The following MKX variants were observed in gnomAD, a reference collection of about 807,000 sequenced individuals.
MKX encodes homeobox protein Mohawk.
A neutral mutation model predicts 36.0 loss-of-function variants in MKX; 13 were observed. The observed-to-expected ratio is 0.36, with a 90% confidence interval of 0.24 to 0.57. The LOEUF (loss-of-function observed/expected upper bound fraction) is 0.57. Ranked by LOEUF, MKX falls within the 20% of genes least tolerant of loss-of-function variation. The probability of loss-of-function intolerance (pLI) is 0.79; values close to 1 mark genes in which losing one functional copy is unlikely to be tolerated. For missense variants in MKX, 458 were observed against 456.4 expected (o/e 1.00, Z -0.03); for synonymous variants, 176 against 178.3 (o/e 0.99, Z 0.10).
At chr10:27,708,772 G>C (rs1451698322) in intron 5 of MKX, among the ~76,000 whole-genome samples, 2 of 150,340 alleles carry the variant, frequency 1.3e-5, no homozygotes, top group African/African-American at 2.4e-5. Flanking sequence ...TCGAGTACCA[G>C]GGATGAATGA....
chr10:27,738,874 A>T (rs1402804179), intron 3 of MKX, among the ~76,000 whole-genome samples: 1 of 152,084 alleles, frequency 6.6e-6, no homozygotes, highest in African/African-American at 2.4e-5. Context: ...ACCATGTAAT[A>T]TAACACTTGG....
chr10:27,706,190 T>A (rs1836752893), intron 5 of MKX, among the ~76,000 whole-genome samples: 1 of 152,184 alleles, frequency 6.6e-6, no homozygotes, highest in Non-Finnish European at 1.5e-5. Flanking sequence ...TATATCTATG[T>A]TGTAGCATGT....
In MKX at chr10:27,744,001, T is replaced by G. The variant is rs1382281672; in HGVS notation, c.-82-504A>C. 1.3e-5 allele frequency among the ~76,000 whole-genome samples: 2 copies of G among 152,042 alleles called. No individual in the cohort carries two copies. Among genetic ancestry groups the G allele is most frequent in the African/African-American group, 2.4e-5 (1 of 41,390 alleles). ...AACCGTATCCACAAGACCCCCCAGC[T>G]CATGAGTCCCAGGCCATACCGGGAT... On this transcript the variant is annotated intron_variant, in intron 1 of 6. Coordinates refer to ENST00000419761, the MANE Select transcript of MKX (RefSeq NM_173576.3). This position sits in a 1 kb window ranked among gnomAD's most constrained non-coding sequence, Gnocchi z 5.6.
intron 5 of MKX, among the ~76,000 whole-genome samples, chr10:27,705,789 A>G (rs1372541186): frequency 6.6e-6 from 1 of 152,234 alleles, no homozygotes; most frequent in Admixed American, 6.5e-5. Flanking sequence ...AGTCCAAATC[A>G]AAGACAAATA....
At chr10:27,712,867 C>A (rs1836896985) in intron 5 of MKX, among the ~76,000 whole-genome samples, 2 of 152,104 alleles carry the variant, frequency 1.3e-5, no homozygotes, top group South Asian at 4.2e-4. Context: ...AGCCCCAGAG[C>A]TCAAGGTGGC....
chr10:27,694,210 A>G (rs541924469), intron 5 of MKX, among the ~76,000 whole-genome samples: 3 of 152,078 alleles, frequency 2.0e-5, no homozygotes, highest in Non-Finnish European at 4.4e-5. Flanking sequence ...TTTAACAACC[A>G]CTAACATACT....
At chr10:27,678,333 A>C (rs1450976558) in intron 5 of MKX, among the ~76,000 whole-genome samples, 1 of 152,262 alleles carries the variant, frequency 6.6e-6, no homozygotes, top group Non-Finnish European at 1.5e-5. Flanking sequence ...TTTTGCCCAC[A>C]AATTGCAACA....
chr10:27,711,510 CCT>C (rs1564357162), intron 5 of MKX, among the ~76,000 whole-genome samples: 3 of 114,768 alleles, frequency 2.6e-5, no homozygotes, highest in East Asian at 2.4e-4. Flanking sequence ...TTCCTTCCTT[CCT>C]TCCTTCCTTC....
At chr10:27,693,075 A>G (rs1448101847) in intron 5 of MKX, among the ~76,000 whole-genome samples, 2 of 152,224 alleles carry the variant, frequency 1.3e-5, no homozygotes, top group Non-Finnish European at 2.9e-5. Flanking sequence ...TCATAGCATC[A>G]GCTTCTGGAA....
intron 5 of MKX, among the ~76,000 whole-genome samples, chr10:27,695,222 G>A (rs900737893): frequency 6.6e-6 from 1 of 152,014 alleles, no homozygotes; most frequent in Non-Finnish European, 1.5e-5. Flanking sequence ...ACATGAGTCC[G>A]AACCCAAGGG....
intron 5 of MKX, among the ~76,000 whole-genome samples, chr10:27,691,738 G>A (rs920042205): frequency 6.6e-6 from 1 of 152,048 alleles, no homozygotes; most frequent in African/African-American, 2.4e-5. Flanking sequence ...CAGTGCTTAT[G>A]GTTTCCTTCT....
In MKX at chr10:27,709,217, TA is replaced by T. The variant is rs548763927; in HGVS notation, c.838+25238del. The stretch of plus-strand genomic sequence containing the variant: ...ACAACAATACAACAAAAAATACAGA[TA>T]AAAAATACAGTTTATAATACAAAAA... On this transcript the variant is annotated intron_variant, in intron 5 of 6. Transcript: ENST00000419761. Among the ~76,000 whole-genome samples the T allele has an allele frequency of 1.3e-4, 19 of 151,796 alleles. No homozygotes were observed. In the East Asian group the frequency reaches 1.9e-3, roughly 15 times the overall value.
chr10:27,726,935 C>T (rs1310059025), intron 5 of MKX, among the ~76,000 whole-genome samples: 1 of 152,008 alleles, frequency 6.6e-6, no homozygotes, highest in Non-Finnish European at 1.5e-5. Context: ...ACGTGAAAGA[C>T]ACGGTAATAA....
chr10:27,718,522 G>A (rs1420248809), intron 5 of MKX: 1 of 395,810 alleles, frequency 2.5e-6, no homozygotes, highest in Non-Finnish European at 5.1e-6. Context: ...TGGCAAGAAG[G>A]AGTGGAATTC....
At chr10:27,718,855 C>T (rs1013868592) in intron 5 of MKX, among the ~76,000 whole-genome samples, 4 of 152,082 alleles carry the variant, frequency 2.6e-5, no homozygotes, top group Admixed American at 6.6e-5. Context: ...ATGAAACCTA[C>T]CAGGAATGTT....
intron 5 of MKX, among the ~76,000 whole-genome samples, chr10:27,717,128 A>G (rs1836980203): frequency 6.6e-6 from 1 of 152,102 alleles, no homozygotes; most frequent in African/African-American, 2.4e-5. Context: ...TCAGTCCTAT[A>G]GCCACAGGGA....
intron 5 of MKX, among the ~76,000 whole-genome samples, chr10:27,711,497 T>TTC (rs762801723): frequency 1.8e-5 from 1 of 56,580 alleles, no homozygotes; most frequent in Non-Finnish European, 2.9e-5. Context: ...CTCTCTCTCT[T>TTC]CTTTCCTTCC....
intron 4 of MKX, 86 bp from the exon 5 acceptor site, chr10:27,734,877 A>G: frequency 2.7e-6 from 2 of 745,276 alleles, no homozygotes; most frequent in Non-Finnish European, 3.9e-6. Flanking sequence ...TTAAAAATAT[A>G]TAAAGGAAAT....
rs1484443638 is a variant in MKX, at chr10:27,710,801, G to A, written c.838+23655C>T. Reference sequence around the variant, plus strand: ...AGCCTCCAAGTAGCTGGGATTAGAGGCATGAGTCACTACATATGGGCTAAT... The same window carrying A: ...AGCCTCCAAGTAGCTGGGATTAGAGACATGAGTCACTACATATGGGCTAAT... On this transcript the variant is annotated intron_variant, in intron 5 of 6. Coordinates refer to ENST00000419761, the MANE Select transcript of MKX (RefSeq NM_173576.3). Among the ~76,000 whole-genome samples, 3 of 152,240 alleles carry A rather than the reference G, an allele frequency of 2.0e-5. No individual in the cohort carries two copies. The East Asian group carries it at 5.8e-4, about 29-fold the overall frequency.
Sources: gnomAD v4.1 joint callset for allele counts (sites outside exome capture counted in the v4.1 genomes callset) on GRCh38, gnomAD v4.1.1 for gene constraint, Gnocchi (gnomAD v3.1) non-coding constraint, MANE v1.5 for transcripts, NCBI Gene and HGNC (gene_info 2026-07-23, HGNC 2026-07-21) for gene names.